NBEA: variants seen among roughly 807,000 people sequenced by gnomAD.
NBEA encodes the protein lysosomal-trafficking regulator 2.
Under a neutral mutation model 343.4 loss-of-function variants are expected in NBEA, and 44 were observed. That is an observed-to-expected ratio of 0.13 (90% CI 0.10 to 0.16). The LOEUF (loss-of-function observed/expected upper bound fraction) is 0.16, where lower values mean the gene tolerates loss of function less well. NBEA is among the 10% of genes least tolerant of loss of function. The probability of loss-of-function intolerance (pLI) is 1.00; values close to 1 mark genes in which losing one functional copy is unlikely to be tolerated. For missense variants in NBEA, 2,555 were observed against 3,631.3 expected, an observed-to-expected ratio of 0.70 and a Z score of 7.62; for synonymous variants, 1,175 against 1,238.7, an observed-to-expected ratio of 0.95 and a Z score of 1.08.
At chr13:35,222,890 A>G (rs1407105743) in intron 33 of NBEA, among the ~76,000 whole-genome samples, 2 of 152,128 alleles carry the variant, frequency 1.3e-5, no homozygotes, top group Non-Finnish European at 2.9e-5. Flanking sequence ...GCACTTGGGG[A>G]GGCTGAGGCG....
At chr13:35,365,995 C>T (rs1178834742) in intron 38 of NBEA, among the ~76,000 whole-genome samples, 2 of 151,536 alleles carry the variant, frequency 1.3e-5, no homozygotes, top group Non-Finnish European at 3.0e-5. Context: ...TGGAAAGTGC[C>T]ATTGCCCTAG....
intron 34 of NBEA, among the ~76,000 whole-genome samples, chr13:35,255,548 C>T (rs539229554): frequency 2.0e-5 from 3 of 152,356 alleles, no homozygotes; most frequent in South Asian, 2.1e-4. Context: ...CTGGCACAGG[C>T]GCTAGCTTCA....
At chr13:35,241,181 T>C (rs1355415848) in intron 34 of NBEA, among the ~76,000 whole-genome samples, 1 of 151,900 alleles carries the variant, frequency 6.6e-6, no homozygotes, top group East Asian at 1.9e-4. Flanking sequence ...AATCGAGTAA[T>C]TTTGGAAATT....
At chr13:35,064,859 C>G (rs899209260) in intron 8 of NBEA, among the ~76,000 whole-genome samples, 2 of 151,606 alleles carry the variant, frequency 1.3e-5, no homozygotes, top group Admixed American at 1.3e-4. Flanking sequence ...GAAAACCCTG[C>G]TGACACCCAT....
intron 1 of NBEA, among the ~76,000 whole-genome samples, chr13:34,993,280 A>G (rs1283631537): frequency 6.6e-6 from 1 of 152,174 alleles, no homozygotes; most frequent in Non-Finnish European, 1.5e-5. Context: ...TCTCCTGATA[A>G]GATTATATGC....
intron 36 of NBEA, among the ~76,000 whole-genome samples, chr13:35,340,519 A>T (rs1420328834): frequency 6.6e-6 from 1 of 152,142 alleles, no homozygotes; most frequent in Non-Finnish European, 1.5e-5. Context: ...ATTTTACAAA[A>T]TGAAACAAGT....
intron 40 of NBEA, among the ~76,000 whole-genome samples, chr13:35,459,160 A>G (rs971265572): frequency 6.6e-6 from 1 of 151,846 alleles, no homozygotes; most frequent in Non-Finnish European, 1.5e-5. Flanking sequence ...TTCATGACCC[A>G]CTTTGTTGCC....
chr13:35,415,344 T>G (rs2043838693), intron 38 of NBEA, among the ~76,000 whole-genome samples: 1 of 152,190 alleles, frequency 6.6e-6, no homozygotes, highest in African/African-American at 2.4e-5. Context: ...CTAGGTTTTC[T>G]TCTGGGGTTT....
chr13:35,563,136 T>G (rs1593231835), intron 44 of NBEA, among the ~76,000 whole-genome samples: 2 of 84,230 alleles, frequency 2.4e-5, no homozygotes, highest in South Asian at 8.5e-4. Flanking sequence ...TGTGTGGAGA[T>G]AGATAGATAG....
intron 49 of NBEA, 126 bp downstream of exon 49, chr13:35,628,374 T>C: frequency 1.4e-6 from 1 of 710,096 alleles, no homozygotes; most frequent in Non-Finnish European, 2.2e-6. Context: ...TTTCAGGTTC[T>C]TGACATATGT....
At chr13:34,983,912 A>G (rs1362644287) in intron 1 of NBEA, among the ~76,000 whole-genome samples, 1 of 152,074 alleles carries the variant, frequency 6.6e-6, no homozygotes, top group Non-Finnish European at 1.5e-5. Flanking sequence ...TAGATTGTGG[A>G]TATAAGGCCT....
intron 35 of NBEA, among the ~76,000 whole-genome samples, chr13:35,308,280 C>A (rs1482610289): frequency 6.6e-6 from 1 of 150,504 alleles, no homozygotes; most frequent in Non-Finnish European, 1.5e-5. Context: ...ACAACCAACA[C>A]CTTATTAGAA....
intron 41 of NBEA, among the ~76,000 whole-genome samples, chr13:35,495,337 T>C (rs989164435): frequency 5.9e-5 from 9 of 151,912 alleles, no homozygotes; most frequent in African/African-American, 2.2e-4. Flanking sequence ...ATTATAAATA[T>C]ATTTGCACCT....
rs1462482201 is a variant in NBEA, at chr13:35,314,052, A to C, written c.5903+4460A>C. Among the ~76,000 whole-genome samples the C allele has an allele frequency of 2.6e-5, 4 of 152,140 alleles. No individual in the cohort carries two copies. In the East Asian group the frequency reaches 7.7e-4, roughly 29 times the overall value. On this transcript the variant is annotated intron_variant, in intron 36 of 58. Coordinates refer to ENST00000379939, the MANE Select transcript of NBEA (RefSeq NM_001385012.1). ...TAAACTCTCTGAGAGGGGTGCATTG[A>C]GATAGAAGGATTGGCCTTTAGTGGA...
intron 6 of NBEA, among the ~76,000 whole-genome samples, chr13:35,054,977 T>G (rs2063199741): frequency 6.6e-6 from 1 of 152,124 alleles, no homozygotes; most frequent in Non-Finnish European, 1.5e-5. Context: ...TGAACAAAAT[T>G]GAATTTTGCT....
chr13:35,142,193 C>T, intron 17 of NBEA, 76 bp from the exon 18 acceptor site: 1 of 822,590 alleles, frequency 1.2e-6, no homozygotes, highest in Non-Finnish European at 2.0e-6. Context: ...ATAAATTGTT[C>T]TCTCTTATCT....
At chr13:35,404,031 C>T (rs2043131260) in intron 38 of NBEA, among the ~76,000 whole-genome samples, 1 of 151,928 alleles carries the variant, frequency 6.6e-6, no homozygotes, top group Non-Finnish European at 1.5e-5. Flanking sequence ...CAGAGAAATG[C>T]AAATCAAAAC....
intron 36 of NBEA, among the ~76,000 whole-genome samples, chr13:35,331,132 A>G (rs1486439655): frequency 3.3e-5 from 5 of 152,026 alleles, no homozygotes; most frequent in African/African-American, 9.7e-5. Flanking sequence ...CATAAAGATG[A>G]CCAATCTATC....
chr13:35,419,256 A>G (rs2044130894), intron 38 of NBEA, among the ~76,000 whole-genome samples: 2 of 152,174 alleles, frequency 1.3e-5, no homozygotes, highest in Admixed American at 1.3e-4. Flanking sequence ...TCCAGGATCA[A>G]AATACCAGTA....
Sources: allele counts gnomAD v4.1 joint callset (sites outside exome capture counted in the v4.1 genomes callset), GRCh38; gene constraint gnomAD v4.1.1; transcripts MANE v1.5; gene names NCBI Gene and HGNC (gene_info 2026-07-23, HGNC 2026-07-21).